The following TMEM156 variants were observed in gnomAD, a reference collection of about 807,000 sequenced individuals.
TMEM156 encodes the protein transmembrane protein 156.
TMEM156 carries 28 observed loss-of-function variants against 30.5 expected under a neutral mutation model. That is an observed-to-expected ratio of 0.92 (90% CI 0.68 to 1.26). The LOEUF is 1.26. Among genes scored for constraint, TMEM156 ranks in the 50% most tolerant of loss-of-function variants. The pLI is 0.00. For synonymous variants in TMEM156, 137 were observed against 119.9 expected, an observed-to-expected ratio of 1.14 and a Z score of -0.93; for missense variants, 351 against 340.6, an observed-to-expected ratio of 1.03 and a Z score of -0.24.
chr4:38,978,254 C>T (rs1176676013), intron 5 of TMEM156, among the ~76,000 whole-genome samples: 1 of 148,084 alleles, frequency 6.8e-6, no homozygotes, highest in Non-Finnish European at 1.5e-5. Context: ...ATTGGAAAGC[C>T]AAAAGTAACT....
chr4:38,984,464 T>C (rs1259844483), intron 5 of TMEM156, among the ~76,000 whole-genome samples: 3 of 147,782 alleles, frequency 2.0e-5, no homozygotes, highest in Admixed American at 7.0e-5. Context: ...AACAAGCTGC[T>C]TCTGCTGAAT....
intron 1 of TMEM156, chr4:39,028,250 C>CT (rs1183780280): frequency 6.6e-6 from 1 of 152,160 alleles, no homozygotes; most frequent in African/African-American, 2.4e-5. Context: ...GTGTGACTCA[C>CT]TGCAATTGCC....
intron 1 of TMEM156, among the ~76,000 whole-genome samples, chr4:39,031,748 G>A (rs1477266434): frequency 1.3e-5 from 2 of 151,772 alleles, no homozygotes; most frequent in African/African-American, 4.8e-5. Context: ...GCCAGGCATG[G>A]TGGTGGGCGC....
chr4:38,982,782 C>G (rs1711679160), intron 5 of TMEM156, among the ~76,000 whole-genome samples: 1 of 152,158 alleles, frequency 6.6e-6, no homozygotes, highest in Non-Finnish European at 1.5e-5. Context: ...AAGGATTTCA[C>G]TCTTTTTGAT....
intron 1 of TMEM156, among the ~76,000 whole-genome samples, chr4:39,020,281 T>C (rs1218812767): frequency 6.6e-6 from 1 of 152,198 alleles, no homozygotes. Context: ...TTCAGAGTGA[T>C]TCCACATCCG....
At chr4:38,996,999 CA>C (rs1373894052) in intron 2 of TMEM156, among the ~76,000 whole-genome samples, 2 of 151,882 alleles carry the variant, frequency 1.3e-5, no homozygotes, top group African/African-American at 4.8e-5. Context: ...AGGACCCACA[CA>C]AAAAAAGAAA....
At chr4:38,988,076 A>T (rs1242374564) in intron 4 of TMEM156, among the ~76,000 whole-genome samples, 1 of 152,106 alleles carries the variant, frequency 6.6e-6, no homozygotes, top group African/African-American at 2.4e-5. Flanking sequence ...GTTATTAAAT[A>T]TTTTTAACGT....
At chr4:38,973,416 A>G (rs1304153116) in intron 5 of TMEM156, among the ~76,000 whole-genome samples, 1 of 152,206 alleles carries the variant, frequency 6.6e-6, no homozygotes, top group Non-Finnish European at 1.5e-5. Flanking sequence ...TTTCTTCAGA[A>G]AGATCTTGCA....
At chr4:39,023,289 A>T (rs905285948) in intron 1 of TMEM156, among the ~76,000 whole-genome samples, 1 of 152,230 alleles carries the variant, frequency 6.6e-6, no homozygotes, top group Admixed American at 6.5e-5. Flanking sequence ...GCACTTTGTT[A>T]CAGCAGCCCA....
intron 1 of TMEM156, among the ~76,000 whole-genome samples, chr4:39,026,861 AG>A (rs1395357320): frequency 1.3e-5 from 2 of 152,252 alleles, no homozygotes; most frequent in Admixed American, 1.3e-4. Flanking sequence ...CTGGGGTTGG[AG>A]GTTGCAGTGA....
chr4:39,016,253 G>T (rs187711101), intron 1 of TMEM156, among the ~76,000 whole-genome samples: 1 of 151,860 alleles, frequency 6.6e-6, no homozygotes, highest in East Asian at 1.9e-4. Context: ...TGAGTCTGTA[G>T]TCCCAGCTAC....
At chr4:38,970,347 G>T (rs1184545327) in intron 6 of TMEM156, among the ~76,000 whole-genome samples, 3 of 152,034 alleles carry the variant, frequency 2.0e-5, no homozygotes, top group Admixed American at 2.0e-4. Context: ...TATTCAATTT[G>T]AGTGCAATAT....
rs367647544 is a variant in TMEM156 at position 39,032,225 on chromosome 4, C to T, written c.88+1G>A. 5 of 1,575,024 alleles carry T rather than the reference C, an allele frequency of 3.2e-6. No homozygotes were observed. Among genetic ancestry groups the T allele is most frequent in the African/African-American group, 1.4e-5 (1 of 74,072 alleles). ...AAGCTAGATTACAATTATATACTCACCTTTCGGTGTCTTGAAATATTCCGG... is the reference window on the plus strand; with the variant it reads ...AAGCTAGATTACAATTATATACTCATCTTTCGGTGTCTTGAAATATTCCGG... On this transcript the variant is annotated splice_donor_variant, in intron 1 of 6. Transcript: ENST00000381938. LOFTEE classifies it high-confidence loss of function.
intron 1 of TMEM156, among the ~76,000 whole-genome samples, chr4:39,022,063 T>C (rs1305892257): frequency 6.6e-6 from 1 of 152,230 alleles, no homozygotes; most frequent in Non-Finnish European, 1.5e-5. Context: ...ATTTGAGGAA[T>C]GGTGTAAAGA....
chr4:38,968,495 C>A (rs1457994401), intron 6 of TMEM156, among the ~76,000 whole-genome samples: 1 of 152,044 alleles, frequency 6.6e-6, no homozygotes, highest in African/African-American at 2.4e-5. Context: ...TTGTTTTTGC[C>A]AATGAGTAGG....
At position 39,003,974 on chromosome 4, in the gene TMEM156, G is replaced by T. The variant is rs549507602; in HGVS notation, c.89-5065C>A. Among the ~76,000 whole-genome samples the T allele has an allele frequency of 1.1e-4, 16 of 152,126 alleles. No individual in the cohort carries two copies. In the South Asian group the frequency reaches 3.1e-3, roughly 30 times the overall value. Reference sequence around the variant, plus strand: ...TTATATTCGGCTATGGGGTAATTTCGTGATGACTTTTAAACCTCAGCTTTA... The same window carrying T: ...TTATATTCGGCTATGGGGTAATTTCTTGATGACTTTTAAACCTCAGCTTTA... On this transcript the variant is annotated intron_variant, in intron 1 of 6. Transcript: ENST00000381938.
In TMEM156 at chr4:39,011,451, C is replaced by T. The variant is rs189000623; in HGVS notation, c.89-12542G>A. The stretch of plus-strand genomic sequence containing the variant: ...TACCAAAAAGACACCTGCACTCATA[C>T]GTTTATCACAGCACTATTCACAGTA... On this transcript the variant is annotated intron_variant, in intron 1 of 6. Coordinates refer to ENST00000381938, the MANE Select transcript of TMEM156 (RefSeq NM_024943.3). Among the ~76,000 whole-genome samples the T allele has an allele frequency of 2.2e-4, 34 of 151,312 alleles. No homozygotes were observed. In the East Asian group the frequency reaches 3.1e-3, roughly 14 times the overall value.
chr4:39,000,841 C>T lies in TMEM156; in HGVS notation c.89-1932G>A, dbSNP rs1189782939. On this transcript the variant is annotated intron_variant, in intron 1 of 6. Coordinates refer to ENST00000381938, the MANE Select transcript of TMEM156 (RefSeq NM_024943.3). ...GGTGGAGGTTGCAGTGAGCCAAGATCGCACCACTGCACTCCAGACTGGGCA... is the reference window on the plus strand; with the variant it reads ...GGTGGAGGTTGCAGTGAGCCAAGATTGCACCACTGCACTCCAGACTGGGCA... 5.3e-5 allele frequency among the ~76,000 whole-genome samples: 8 copies of T among 151,986 alleles called. No individual in the cohort carries two copies. In the East Asian group the frequency reaches 9.7e-4, roughly 18 times the overall value.
intron 2 of TMEM156, among the ~76,000 whole-genome samples, chr4:38,994,904 C>G (rs1712817117): frequency 6.6e-6 from 1 of 151,892 alleles, no homozygotes; most frequent in African/African-American, 2.4e-5. Flanking sequence ...CACCACTGCA[C>G]TCCAGCCTGG....
Sources: gnomAD v4.1 joint callset for allele counts (sites outside exome capture counted in the v4.1 genomes callset) on GRCh38, gnomAD v4.1.1 for gene constraint, MANE v1.5 for transcripts, NCBI Gene and HGNC (gene_info 2026-07-23, HGNC 2026-07-21) for gene names.